Variants in RBM47 observed in about 807,000 individuals in gnomAD.
The protein encoded by RBM47 is RNA binding motif protein 47.
Under a neutral mutation model 47.1 loss-of-function variants are expected in RBM47, and 21 were observed. The ratio of observed to expected loss-of-function variants is 0.45; its 90% CI spans 0.32 to 0.64. The LOEUF (loss-of-function observed/expected upper bound fraction) is 0.64. Ranked by LOEUF, RBM47 falls within the 30% of genes least tolerant of loss-of-function variation. The probability of loss-of-function intolerance (pLI) is 0.05; values close to 1 mark genes in which losing one functional copy is unlikely to be tolerated. For missense variants in RBM47, 708 were observed against 870.9 expected, an observed-to-expected ratio of 0.81 and a Z score of 2.35; for synonymous variants, 375 against 361.7, an observed-to-expected ratio of 1.04 and a Z score of -0.42.
At chr4:40,586,836 G>A (rs1466788244) in intron 1 of RBM47, among the ~76,000 whole-genome samples, 4 of 151,978 alleles carry the variant, frequency 2.6e-5, no homozygotes, top group African/African-American at 4.8e-5. Flanking sequence ...CAGTCACAGT[G>A]GGTCAATCCA....
In RBM47 at chr4:40,565,608, T is replaced by C. The variant is rs28690387; in HGVS notation, c.-239-21102A>G. Among the ~76,000 whole-genome samples, 836 of 152,324 alleles carry C rather than the reference T, an allele frequency of 5.5e-3. 5 individuals carry two copies. The highest frequency in any genetic ancestry group is 0.019 in the African/African-American group (810 of 41,562). On this transcript the variant is annotated intron_variant, in intron 1 of 6. Coordinates refer to ENST00000295971, the MANE Select transcript of RBM47 (RefSeq NM_001098634.2). ...ATTAAGATTTGGGCTCAAATCTTAT[T>C]CCGTGACAATCCATCTGTGTGACCA...
intron 1 of RBM47, among the ~76,000 whole-genome samples, chr4:40,584,516 C>G (rs1733344500): frequency 3.3e-5 from 5 of 152,128 alleles, no homozygotes; most frequent in Admixed American, 3.3e-4. Context: ...ATTGTCCTTT[C>G]AACATGTAAT....
chr4:40,581,691 A>C (rs1231630961), intron 1 of RBM47, among the ~76,000 whole-genome samples: 5 of 151,894 alleles, frequency 3.3e-5, no homozygotes, highest in Non-Finnish European at 2.9e-5. Context: ...ACAGACAGAA[A>C]ATGCCTTAAA....
At chr4:40,623,541 C>T (rs1023920486) in intron 1 of RBM47, among the ~76,000 whole-genome samples, 1 of 152,100 alleles carries the variant, frequency 6.6e-6, no homozygotes, top group African/African-American at 2.4e-5. Context: ...ACTATGTTAC[C>T]CAGGCTGGAG....
intron 1 of RBM47, among the ~76,000 whole-genome samples, chr4:40,584,058 AG>A (rs1733298489): frequency 1.3e-5 from 2 of 152,022 alleles, no homozygotes; most frequent in Non-Finnish European, 2.9e-5. Context: ...TGCAGCCTCC[AG>A]GCTCAAGCGA....
At chr4:40,548,335 C>A (rs1279628356) in intron 1 of RBM47, among the ~76,000 whole-genome samples, 1 of 152,164 alleles carries the variant, frequency 6.6e-6, no homozygotes, top group African/African-American at 2.4e-5. Context: ...AGGGTGAAGA[C>A]GGGCAGGGGA....
At chr4:40,590,223 A>C (rs1733999698) in intron 1 of RBM47, among the ~76,000 whole-genome samples, 2 of 152,106 alleles carry the variant, frequency 1.3e-5, no homozygotes, top group Non-Finnish European at 2.9e-5. Context: ...AAACATTGTC[A>C]ACTGATTCAC....
chr4:40,438,005 C>T lies in RBM47; in HGVS notation c.889G>A (p.Ala297Thr). ...HFTSREDAVH[A>T]MNNLNGTELE... ...TCAGTGCCGTTGAGGTTGTTCATGG[C>T]ATGCACGGCATCCTCGCGGCTGGTG... The change falls in exon 4 of 7, where the codon GCC (alanine) becomes ACC (threonine). Residue 297 changes from alanine to threonine, a missense_variant. Transcript: ENST00000295971. 1 of 1,613,654 alleles carries T rather than the reference C, an allele frequency of 6.2e-7. No individual in the cohort carries two copies. The highest frequency in any genetic ancestry group is 1.1e-5 in the South Asian group (1 of 91,086).
intron 4 of RBM47, among the ~76,000 whole-genome samples, chr4:40,437,090 A>AAAAAAAAAAATATATATAT (rs1256296949): frequency 3.0e-4 from 15 of 49,768 alleles, no homozygotes; most frequent in African/African-American, 1.5e-3. Flanking sequence ...AAAAAAAAAA[A>AAAAAAAAAAATATATATAT]ATATATATAT....
At chr4:40,486,017 C>T (rs1177991437) in intron 2 of RBM47, among the ~76,000 whole-genome samples, 1 of 140,188 alleles carries the variant, frequency 7.1e-6, no homozygotes, top group Non-Finnish European at 1.5e-5. Context: ...CTGTAGTGAG[C>T]CATATTTGGA....
chr4:40,561,944 T>G (rs1198134542), intron 1 of RBM47, among the ~76,000 whole-genome samples: 1 of 152,174 alleles, frequency 6.6e-6, no homozygotes, highest in Non-Finnish European at 1.5e-5. Context: ...TTAACATTCA[T>G]TAGAGGTCCA....
chr4:40,481,741 A>G (rs887868581), intron 2 of RBM47, among the ~76,000 whole-genome samples: 2 of 152,096 alleles, frequency 1.3e-5, no homozygotes, highest in African/African-American at 4.8e-5. Flanking sequence ...TGGTAGAGAC[A>G]GGGTTTTGCC....
At chr4:40,611,183 A>G (rs1466082255) in intron 1 of RBM47, among the ~76,000 whole-genome samples, 2 of 152,216 alleles carry the variant, frequency 1.3e-5, no homozygotes, top group Non-Finnish European at 2.9e-5. Context: ...CAGTCTCTCT[A>G]GGTAAATGTA....
chr4:40,594,815 T>C (rs1734606526), intron 1 of RBM47, among the ~76,000 whole-genome samples: 1 of 152,220 alleles, frequency 6.6e-6, no homozygotes, highest in Admixed American at 6.5e-5. Flanking sequence ...GTAAGTACTA[T>C]CACTCTCTAC....
intron 4 of RBM47, among the ~76,000 whole-genome samples, chr4:40,437,096 T>A (rs868140411): frequency 0.042 from 2,762 of 65,126 alleles, 470 homozygotes; most frequent in African/African-American, 0.088. Flanking sequence ...AAAAAATATA[T>A]ATATATATAT....
Position 40,438,096 on chromosome 4 carries a change from G to A in RBM47, c.798C>T (p.Phe266=), listed in dbSNP as rs905103449. The change falls in exon 4 of 7, where the codon TTC becomes TTT. Residue 266 remains phenylalanine (F), a synonymous_variant. Transcript: ENST00000295971. Reference sequence around the variant, plus strand: ...CCACGCAGCCGGGGTTGAACTGGCCGAAGCTCTTCTTGATGGTGTCCTCGG... The same window carrying A: ...CCACGCAGCCGGGGTTGAACTGGCCAAAGCTCTTCTTGATGGTGTCCTCGG... The part of the protein sequence containing the change: ...ETTEDTIKKS[F]GQFNPGCVER... 3.1e-6 allele frequency: 5 copies of A among 1,613,708 alleles called. No homozygotes were observed. The highest frequency in any genetic ancestry group is 2.7e-5 in the African/African-American group (2 of 74,938).
intron 4 of RBM47, among the ~76,000 whole-genome samples, chr4:40,437,443 T>C (rs1172570700): frequency 6.6e-6 from 1 of 152,018 alleles, no homozygotes; most frequent in Admixed American, 6.6e-5. Flanking sequence ...TAAGATTTAA[T>C]ATCACAAGCA....
intron 2 of RBM47, among the ~76,000 whole-genome samples, chr4:40,502,493 G>A (rs982384113): frequency 1.3e-5 from 2 of 152,130 alleles, no homozygotes; most frequent in Non-Finnish European, 2.9e-5. Flanking sequence ...AAGAGGTGAG[G>A]AAGAGAGGCC....
intron 1 of RBM47, among the ~76,000 whole-genome samples, chr4:40,575,689 G>A (rs115144663): frequency 2.2e-4 from 34 of 152,256 alleles, no homozygotes; most frequent in African/African-American, 8.2e-4. Context: ...GCTACTGTGT[G>A]TCTGAGTGAC....
Sources: gnomAD v4.1 joint callset for allele counts (sites outside exome capture counted in the v4.1 genomes callset) on GRCh38, gnomAD v4.1.1 for gene constraint, MANE v1.5 for transcripts, NCBI Gene and HGNC (gene_info 2026-07-23, HGNC 2026-07-21) for gene names.